The following PDE7B variants were observed in gnomAD, a reference collection of about 807,000 sequenced individuals.
PDE7B encodes the protein 3',5'-cyclic-AMP phosphodiesterase 7B.
In PDE7B, 29 loss-of-function variants were observed where a neutral mutation model predicts 56.2. The observed-to-expected ratio is 0.52, with a 90% CI of 0.38 to 0.70. PDE7B has a LOEUF of 0.70. Ranked by LOEUF, PDE7B falls within the 30% of genes least tolerant of loss-of-function variation. The pLI, the probability that PDE7B is intolerant of heterozygous loss-of-function variation, is 0.00. For synonymous variants in PDE7B, 197 were observed against 196.9 expected (o/e 1.00, Z 0.00); for missense variants, 490 against 565.0 (o/e 0.87, Z 1.35).
intron 2 of PDE7B, among the ~76,000 whole-genome samples, chr6:136,105,359 T>G (rs1391838499): frequency 6.6e-6 from 1 of 152,220 alleles, no homozygotes; most frequent in African/African-American, 2.4e-5. Flanking sequence ...TATAGGAAAG[T>G]GGTTAAGAAC....
At chr6:136,137,785 C>A (rs1778241012) in intron 3 of PDE7B, among the ~76,000 whole-genome samples, 1 of 152,004 alleles carries the variant, frequency 6.6e-6, no homozygotes, top group African/African-American at 2.4e-5. Context: ...TTTAAGCCAA[C>A]CCCAACTTGT....
At chr6:136,015,147 G>T (rs1235813431) in intron 2 of PDE7B, among the ~76,000 whole-genome samples, 2 of 152,204 alleles carry the variant, frequency 1.3e-5, no homozygotes, top group African/African-American at 2.4e-5. Context: ...CTTGAAGCTG[G>T]TGGGATTCTT....
rs1045460358 is a variant in PDE7B, at chr6:136,192,149, C to T, written c.*309C>T. 7.6e-6 allele frequency: 3 copies of T among 392,770 alleles called. No individual in the cohort carries two copies. Among genetic ancestry groups the T allele is most frequent in the Admixed American group, 4.1e-5 (1 of 24,258 alleles). 24.3% of individuals were successfully genotyped at this position (392,770 alleles called of 1,614,324 possible). The stretch of plus-strand genomic sequence containing the variant: ...AAGAATGAGGTGCTCCTGCCGTGTC[C>T]GCCTTGTTCCGGGTCGCACTGGAAC... On this transcript the variant is annotated 3_prime_UTR_variant, in exon 13 of 13. Transcript: ENST00000308191.
intron 3 of PDE7B, among the ~76,000 whole-genome samples, chr6:136,128,958 GC>G (rs1191420498): frequency 2.0e-5 from 3 of 152,108 alleles, no homozygotes; most frequent in African/African-American, 7.2e-5. Flanking sequence ...TGTTCCTTCT[GC>G]CCCCTTCCAT....
At chr6:135,875,298 T>A (rs1775471188) in intron 1 of PDE7B, among the ~76,000 whole-genome samples, 1 of 152,072 alleles carries the variant, frequency 6.6e-6, no homozygotes, top group Admixed American at 6.5e-5. Flanking sequence ...TGCTTTCAAC[T>A]AGATGGATTG....
intron 1 of PDE7B, among the ~76,000 whole-genome samples, chr6:135,874,614 C>G (rs1775455900): frequency 6.6e-6 from 1 of 152,012 alleles, no homozygotes; most frequent in African/African-American, 2.4e-5. Context: ...AAAATGATTC[C>G]TAGATATCTT....
chr6:136,003,770 G>C (rs1457797742), intron 2 of PDE7B, among the ~76,000 whole-genome samples: 1 of 152,094 alleles, frequency 6.6e-6, no homozygotes, highest in Non-Finnish European at 1.5e-5. Context: ...TTCTACCAGA[G>C]GTACAAGGAG....
intron 2 of PDE7B, among the ~76,000 whole-genome samples, chr6:136,018,314 G>A (rs1045401763): frequency 6.6e-6 from 1 of 152,204 alleles, no homozygotes; most frequent in African/African-American, 2.4e-5. Flanking sequence ...CATAAATTAA[G>A]AGTCAGGCAA....
At chr6:135,965,477 C>T (rs577630479) in intron 2 of PDE7B, among the ~76,000 whole-genome samples, 1 of 152,220 alleles carries the variant, frequency 6.6e-6, no homozygotes, top group South Asian at 2.1e-4. Context: ...AAGACATACC[C>T]AAGACTGGGT....
At chr6:135,881,124 T>C (rs1775601785) in intron 1 of PDE7B, among the ~76,000 whole-genome samples, 1 of 152,092 alleles carries the variant, frequency 6.6e-6, no homozygotes, top group Admixed American at 6.6e-5. Context: ...AACATGCAAG[T>C]GCCCTATGCT....
intron 2 of PDE7B, among the ~76,000 whole-genome samples, chr6:136,024,312 C>G (rs139170948): frequency 6.6e-6 from 1 of 152,128 alleles, no homozygotes; most frequent in Admixed American, 6.5e-5. Flanking sequence ...GTAAAGGGCC[C>G]AGCAGCCGAT....
At chr6:136,026,239 T>A (rs1213157820) in intron 2 of PDE7B, among the ~76,000 whole-genome samples, 1 of 152,230 alleles carries the variant, frequency 6.6e-6, no homozygotes, top group Admixed American at 6.5e-5. Flanking sequence ...GATCAGATGT[T>A]CCTTTAATTT....
chr6:136,003,830 G>A (rs1350930742), intron 2 of PDE7B, among the ~76,000 whole-genome samples: 1 of 152,240 alleles, frequency 6.6e-6, no homozygotes, highest in South Asian at 2.1e-4. Context: ...GAAAAAGAGG[G>A]AATCTTCCCT....
At chr6:135,941,454 A>G (rs1003996794) in intron 1 of PDE7B, among the ~76,000 whole-genome samples, 1 of 152,208 alleles carries the variant, frequency 6.6e-6, no homozygotes, top group African/African-American at 2.4e-5. Context: ...ACCCTGGATC[A>G]CTGCCACAGT....
At chr6:135,855,696 C>T (rs1775013714) in intron 1 of PDE7B, among the ~76,000 whole-genome samples, 2 of 152,174 alleles carry the variant, frequency 1.3e-5, no homozygotes, top group Admixed American at 6.5e-5. Flanking sequence ...TCCTCTTCAT[C>T]ATTCCTTGAA....
intron 2 of PDE7B, among the ~76,000 whole-genome samples, chr6:135,952,140 A>G (rs189362622): frequency 7.8e-4 from 119 of 152,262 alleles, no homozygotes; most frequent in Non-Finnish European, 1.4e-3. Context: ...GAGATGTTCT[A>G]TGAGGAGAAG....
chr6:136,097,295 C>A (rs890562316), intron 2 of PDE7B, among the ~76,000 whole-genome samples: 1 of 152,126 alleles, frequency 6.6e-6, no homozygotes, highest in Non-Finnish European at 1.5e-5. Flanking sequence ...TATTTCTTTC[C>A]ACAAACTGGG....
intron 3 of PDE7B, among the ~76,000 whole-genome samples, chr6:136,131,976 G>A (rs987947010): frequency 6.6e-5 from 10 of 152,178 alleles, no homozygotes; most frequent in South Asian, 2.1e-4. Context: ...TGAATTACAC[G>A]GTTAGAAAGA....
intron 2 of PDE7B, among the ~76,000 whole-genome samples, chr6:136,076,338 T>A (rs1338487123): frequency 2.0e-5 from 3 of 152,124 alleles, no homozygotes; most frequent in African/African-American, 7.2e-5. Context: ...CCAAGCATCA[T>A]GGCAGTTGTC....
Sources: allele counts gnomAD v4.1 joint callset (sites outside exome capture counted in the v4.1 genomes callset), GRCh38; gene constraint gnomAD v4.1.1; transcripts MANE v1.5; gene names NCBI Gene and HGNC (gene_info 2026-07-23, HGNC 2026-07-21).